SPTB: variants seen among roughly 807,000 people sequenced by gnomAD.
The protein encoded by SPTB is spectrin beta, erythrocytic.
SPTB carries 45 observed loss-of-function variants against 256.2 expected under a neutral mutation model. The observed-to-expected ratio is 0.18, with a 90% confidence interval of 0.14 to 0.23. SPTB has a LOEUF of 0.23. Ranked by LOEUF, SPTB falls within the 10% of genes least tolerant of loss-of-function variation. The probability of loss-of-function intolerance (pLI) is 1.00; values close to 1 mark genes in which losing one functional copy is unlikely to be tolerated. For synonymous variants in SPTB, 1,231 were observed against 1,243.1 expected (o/e 0.99, Z 0.21); for missense variants, 2,715 against 3,040.4 (o/e 0.89, Z 2.52).
At chr14:64,843,070 A>C (rs552715609) in intron 1 of SPTB, among the ~76,000 whole-genome samples, 1 of 152,234 alleles carries the variant, frequency 6.6e-6, no homozygotes, top group Admixed American at 6.5e-5. Context: ...GTCTCAAAAA[A>C]AAAGGGGGAG....
At chr14:64,879,237 G>A (rs1363911287) in intron 1 of SPTB, among the ~76,000 whole-genome samples, 2 of 152,154 alleles carry the variant, frequency 1.3e-5, no homozygotes, top group Admixed American at 1.3e-4. Flanking sequence ...TCTCTGGGTG[G>A]CTCCCAGCAC....
chr14:64,832,170 C>T (rs1484441934), intron 1 of SPTB, among the ~76,000 whole-genome samples: 1 of 152,188 alleles, frequency 6.6e-6, no homozygotes, highest in East Asian at 1.9e-4. Flanking sequence ...TCATCCCATC[C>T]TCAAGTCACT....
chr14:64,829,313 C>T (rs192934184), intron 1 of SPTB, among the ~76,000 whole-genome samples: 298 of 152,254 alleles, frequency 2.0e-3, no homozygotes, highest in African/African-American at 7.1e-3. Flanking sequence ...AAGTTAGAGG[C>T]TTTAAAACAG....
At position 64,746,583 on chromosome 14, in the gene SPTB, C is replaced by T. The variant is rs2081844852; in HGVS notation, c.*2723G>A. The T allele has an allele frequency of 6.6e-6, 1 of 152,496 alleles. No homozygotes were observed. Among genetic ancestry groups the T allele is most frequent in the South Asian group, 2.1e-4 (1 of 4,830 alleles). The allele number at this position is 152,496 out of a possible 1,614,324, so 9.4% of individuals were successfully genotyped here. ...GGTCAGCCTAGGGGACCCTGGCTCC[C>T]TCCGATAGGCAGGAAGGAGGAGGGA... On this transcript the variant is annotated 3_prime_UTR_variant, in exon 36 of 36. Transcript: ENST00000644917. The surrounding 1 kb of genome is among the most constrained non-coding windows in gnomAD (Gnocchi z 4.9).
At chr14:64,822,717 C>T (rs949853236) in intron 2 of SPTB, among the ~76,000 whole-genome samples, 5 of 152,196 alleles carry the variant, frequency 3.3e-5, no homozygotes, top group African/African-American at 1.2e-4. Flanking sequence ...GGGCAGGCCC[C>T]ACCTGGTCCC....
Position 64,772,812 on chromosome 14 carries a change from C to T in SPTB, c.5321G>A (p.Gly1774Glu). The change falls in exon 26 of 36, where the codon GGG (glycine) becomes GAG (glutamate). Residue 1774 changes from glycine to glutamate, a missense_variant. Physicochemically the swap from Gly to Glu is moderately conservative, Grantham distance 98. This residue lies in a region of SPTB where 2,239 missense variants were observed against 2,384.4 expected (regional missense o/e 0.94). Coordinates refer to ENST00000644917, the MANE Select transcript of SPTB (RefSeq NM_001355436.2). This position sits in a 1 kb window ranked among gnomAD's most constrained non-coding sequence, Gnocchi z 5.4. ...GAGGTCTGCCCACATCTCGTTCAGC[C>T]CGTCCTTCCACTCGGCGATGGTGGC... ...EAATIAEWKD[G>E]LNEMWADLLE... 1 of 1,613,988 alleles carries T rather than the reference C, an allele frequency of 6.2e-7. No homozygotes were observed. Among genetic ancestry groups the T allele is most frequent in the Non-Finnish European group, 8.5e-7 (1 of 1,180,042 alleles).
chr14:64,879,471 G>A (rs1883002529), intron 1 of SPTB, among the ~76,000 whole-genome samples: 1 of 152,206 alleles, frequency 6.6e-6, no homozygotes, highest in Non-Finnish European at 1.5e-5. Context: ...ACGAGAACAC[G>A]CACCCCCGTC....
chr14:64,817,184 G>A (rs958026615), intron 2 of SPTB, among the ~76,000 whole-genome samples: 5 of 143,224 alleles, frequency 3.5e-5, no homozygotes, highest in Admixed American at 6.7e-5. Context: ...AACCTGCCCC[G>A]GGCCACACAG....
At chr14:64,818,795 C>A (rs1012622282) in intron 2 of SPTB, among the ~76,000 whole-genome samples, 1 of 152,126 alleles carries the variant, frequency 6.6e-6, no homozygotes, top group Non-Finnish European at 1.5e-5. Context: ...ATGGGGGGAG[C>A]CTTTCTATTG....
In SPTB at chr14:64,847,854, G is replaced by A. The variant is rs959945343; in HGVS notation, c.-51-24709C>T. Among the ~76,000 whole-genome samples, 5 of 152,046 alleles carry A rather than the reference G, an allele frequency of 3.3e-5. No individual in the cohort carries two copies. The highest frequency in any genetic ancestry group is 7.2e-5 in the African/African-American group (3 of 41,404). The stretch of plus-strand genomic sequence containing the variant: ...CTCAATGCTCCATGTGCCCCCCACC[G>A]CAAACCCCATCCGGAGTGAGACAAA... On this transcript the variant is annotated intron_variant, in intron 1 of 35. Coordinates refer to ENST00000644917, the MANE Select transcript of SPTB (RefSeq NM_001355436.2). The surrounding 1 kb of genome is among the most constrained non-coding windows in gnomAD (Gnocchi z 5.9).
At chr14:64,830,358 A>G (rs1203585887) in intron 1 of SPTB, among the ~76,000 whole-genome samples, 3 of 126,606 alleles carry the variant, frequency 2.4e-5, no homozygotes, top group Non-Finnish European at 3.2e-5. Context: ...TATTATTATT[A>G]TTATTATTAT....
chr14:64,799,755 C>G lies in SPTB; in HGVS notation c.1056G>C (p.Lys352Asn), dbSNP rs1355427206. ...QAFSTYRTVE[K>N]PPKFQEKGNL... Reference sequence around the variant, plus strand: ...TGTGCCAGGGCCCTTACTTGGGCGGCTTCTCCACGGTGCGGTAGGTGCTGA... The same window carrying G: ...TGTGCCAGGGCCCTTACTTGGGCGGGTTCTCCACGGTGCGGTAGGTGCTGA... Residue 352 changes from lysine (K) to asparagine (N), a missense_variant, in exon 9 of 36, where the codon AAG becomes AAC. Lys to Asn is a moderately conservative substitution (Grantham distance 94). Transcript: ENST00000644917. 1.2e-6 allele frequency: 2 copies of G among 1,614,048 alleles called. No individual in the cohort carries two copies. Among genetic ancestry groups the G allele is most frequent in the Non-Finnish European group, 1.7e-6 (2 of 1,180,046 alleles).
rs779149515 is a variant in SPTB at position 64,773,867 on chromosome 14, C to A, written c.4974-443G>T. On this transcript the variant is annotated intron_variant, in intron 24 of 35. Transcript: ENST00000644917. ...AAACCTCTGGGGTGGCTGCTGAGGA[C>A]CCACAGTGGTGGGCACCCTAATGGC... Among the ~76,000 whole-genome samples, 9 of 152,310 alleles carry A rather than the reference C, an allele frequency of 5.9e-5. No individual in the cohort carries two copies. In the South Asian group the frequency reaches 6.2e-4, roughly 11 times the overall value.
At chr14:64,805,545 T>C (rs917622168) in intron 2 of SPTB, among the ~76,000 whole-genome samples, 6 of 152,124 alleles carry the variant, frequency 3.9e-5, no homozygotes, top group African/African-American at 1.4e-4. Flanking sequence ...AAATGGCGCT[T>C]GGGTTGGGTC....
rs143641404 is a variant in SPTB at position 64,764,278 on chromosome 14, GTCC to G, written c.6345+2445_6345+2447del. On this transcript the variant is annotated intron_variant, in intron 32 of 35. Coordinates refer to ENST00000644917, the MANE Select transcript of SPTB (RefSeq NM_001355436.2). The surrounding 1 kb of genome is among the most constrained non-coding windows in gnomAD (Gnocchi z 4.2). ...AGGTTGGGCTTTCCCGACAGGCTCT[GTCC>G]TCCTCTTTCTTGCATCGAAGGTGGA... Among the ~76,000 whole-genome samples the G allele has an allele frequency of 3.9e-5, 6 of 152,332 alleles. No individual in the cohort carries two copies. In the East Asian group the frequency reaches 5.8e-4, roughly 15 times the overall value.
chr14:64,777,584 C>T lies in SPTB; in HGVS notation c.4563+1573G>A, dbSNP rs1308885349. Among the ~76,000 whole-genome samples the T allele has an allele frequency of 6.6e-6, 1 of 152,092 alleles. No individual in the cohort carries two copies. Among genetic ancestry groups the T allele is most frequent in the African/African-American group, 2.4e-5 (1 of 41,378 alleles). ...AAGTGCAGTCCTGAACCAGCAGCATCGGCATCACCTAGGATCTTGTTGGAA... is the reference window on the plus strand; with the variant it reads ...AAGTGCAGTCCTGAACCAGCAGCATTGGCATCACCTAGGATCTTGTTGGAA... On this transcript the variant is annotated intron_variant, in intron 22 of 35. Transcript: ENST00000644917. This position sits in a 1 kb window ranked among gnomAD's most constrained non-coding sequence, Gnocchi z 4.5.
intron 2 of SPTB, 26 bp downstream of exon 2, chr14:64,822,921 C>G: frequency 6.2e-7 from 1 of 1,612,658 alleles, no homozygotes; most frequent in Non-Finnish European, 8.5e-7. Context: ...AGAATGCCCT[C>G]CAACCCTTGT....
rs1187698833 is a variant in SPTB, at chr14:64,853,854, A to G, written c.-52+25938T>C. ...AGGAGCTTAGTAAAATTTAACACTT[A>G]TCATTGGTATGACTCAAGAGACATT... On this transcript the variant is annotated intron_variant, in intron 1 of 35. Coordinates refer to ENST00000644917, the MANE Select transcript of SPTB (RefSeq NM_001355436.2). This position sits in a 1 kb window ranked among gnomAD's most constrained non-coding sequence, Gnocchi z 4.3. Among the ~76,000 whole-genome samples the G allele has an allele frequency of 6.6e-6, 1 of 152,148 alleles. No homozygotes were observed. The highest frequency in any genetic ancestry group is 1.5e-5 in the Non-Finnish European group (1 of 68,026).
rs1439772766 is a variant in SPTB at position 64,795,586 on chromosome 14, C to T, written c.1395G>A (p.Glu465=). The change falls in exon 12 of 36, where the codon GAG becomes GAA. Residue 465 remains glutamate, a synonymous_variant. Transcript: ENST00000644917. This position sits in a 1 kb window ranked among gnomAD's most constrained non-coding sequence, Gnocchi z 6.5. ...AAVEAAKKKH[E]AIETDTAAYE... ...AGGCAGCCGTGTCGGTCTCGATGGCCTCATGCTTCTTCTTGGCGGCCTCCA... is the reference window on the plus strand; with the variant it reads ...AGGCAGCCGTGTCGGTCTCGATGGCTTCATGCTTCTTCTTGGCGGCCTCCA... 6 of 1,614,036 alleles carry T rather than the reference C, an allele frequency of 3.7e-6. No individual in the cohort carries two copies. The Admixed American group carries it at 8.3e-5, about 22-fold the overall frequency.
Sources: allele counts gnomAD v4.1 joint callset (sites outside exome capture counted in the v4.1 genomes callset), GRCh38; gene constraint gnomAD v4.1.1; regional missense constraint gnomAD v4.1.1; non-coding constraint Gnocchi (gnomAD v3.1); transcripts MANE v1.5; gene names NCBI Gene and HGNC (gene_info 2026-07-23, HGNC 2026-07-21).